EDEM3: variants seen among roughly 807,000 people sequenced by gnomAD.
The protein encoded by EDEM3 is ER degradation enhancing alpha-mannosidase like protein 3.
Under a neutral mutation model 110.2 loss-of-function variants are expected in EDEM3, and 60 were observed. The ratio of observed to expected loss-of-function variants is 0.54; its 90% CI spans 0.44 to 0.67. The LOEUF is 0.67. Among genes scored for constraint, EDEM3 ranks in the 30% least tolerant of loss-of-function variants. The probability of loss-of-function intolerance (pLI) is 0.00; values close to 1 mark genes in which losing one functional copy is unlikely to be tolerated. For synonymous variants in EDEM3, 352 were observed against 382.9 expected (o/e 0.92, Z 0.94); for missense variants, 996 against 1,121.0 (o/e 0.89, Z 1.59).
intron 3 of EDEM3, 92 bp from the exon 4 acceptor site, chr1:184,737,156 T>C (rs1651875057): frequency 1.8e-6 from 2 of 1,092,984 alleles, no homozygotes; most frequent in South Asian, 1.3e-5. Context: ...TATTGACTGG[T>C]AGTTTCTATA....
At chr1:184,705,219 T>C (rs1649852055) in intron 18 of EDEM3, among the ~76,000 whole-genome samples, 1 of 152,226 alleles carries the variant, frequency 6.6e-6, no homozygotes, top group Non-Finnish European at 1.5e-5. Flanking sequence ...ATACTTTACA[T>C]TTTCATTTTG....
At chr1:184,733,471 A>C (rs1651641551) in intron 5 of EDEM3, among the ~76,000 whole-genome samples, 1 of 152,218 alleles carries the variant, frequency 6.6e-6, no homozygotes, top group South Asian at 2.1e-4. Flanking sequence ...AATAACATTT[A>C]ATCAAAACTA....
At chr1:184,733,921 T>C (rs1168694527) in intron 5 of EDEM3, among the ~76,000 whole-genome samples, 2 of 152,226 alleles carry the variant, frequency 1.3e-5, no homozygotes, top group African/African-American at 2.4e-5. Context: ...GAAGAGGTGC[T>C]TGGCTATGGT....
chr1:184,721,407 T>C, intron 8 of EDEM3, 21 bp from the exon 9 acceptor site: 3 of 1,557,714 alleles, frequency 1.9e-6, no homozygotes, highest in South Asian at 2.4e-5. Context: ...ACAAATGTGA[T>C]TTTTCATTAA....
At chr1:184,705,218 A>G (rs1255659535) in intron 18 of EDEM3, among the ~76,000 whole-genome samples, 4 of 152,204 alleles carry the variant, frequency 2.6e-5, no homozygotes, top group African/African-American at 9.7e-5. Context: ...TATACTTTAC[A>G]TTTTCATTTT....
At position 184,754,812 on chromosome 1, in the gene EDEM3, C is replaced by T. The variant is rs571575771; in HGVS notation, c.-166G>A. ...GTTTCCCGAAGCCACCAAGCCGGTC[C>T]CCAGCGCCAGCGCTGCCACCGCCCT... On this transcript the variant is annotated 5_prime_UTR_variant, in exon 1 of 20. Coordinates refer to ENST00000318130, the MANE Select transcript of EDEM3 (RefSeq NM_025191.4). 4 of 1,181,076 alleles carry T rather than the reference C, an allele frequency of 3.4e-6. No homozygotes were observed. Among genetic ancestry groups the T allele is most frequent in the South Asian group, 3.5e-5 (2 of 57,238 alleles). The allele number at this position is 1,181,076 out of a possible 1,614,324, so 73.2% of individuals were successfully genotyped here. A position where few individuals can be genotyped will look rare whatever the true frequency, so the allele number is the denominator to read the frequency against.
Position 184,690,253 on chromosome 1 carries a change from G to C in EDEM3, c.*3810C>G, listed in dbSNP as rs150067700. 81 of 152,242 alleles carry C rather than the reference G, an allele frequency of 5.3e-4. No homozygotes were observed. The highest frequency in any genetic ancestry group is 1.7e-3 in the African/African-American group (69 of 41,522). 9.4% of individuals were successfully genotyped at this position (152,242 alleles called of 1,614,324 possible). A position where few individuals can be genotyped will look rare whatever the true frequency, so the allele number is the denominator to read the frequency against. On this transcript the variant is annotated 3_prime_UTR_variant, in exon 20 of 20. Coordinates refer to ENST00000318130, the MANE Select transcript of EDEM3 (RefSeq NM_025191.4). ...GGATCATAATTTATACACAATTCTA[G>C]AGTTTTATTCACTTAGCATTACCTT... is the stretch of plus-strand genomic sequence containing the variant.
At chr1:184,722,246 G>A (rs557817606) in intron 8 of EDEM3, among the ~76,000 whole-genome samples, 1 of 151,668 alleles carries the variant, frequency 6.6e-6, no homozygotes, top group Non-Finnish European at 1.5e-5. Flanking sequence ...TTTTTCTAGT[G>A]GTACATTTAA....
Position 184,749,496 on chromosome 1 carries a change from C to G in EDEM3, c.204+51G>C, listed in dbSNP as rs372693499. The G allele has an allele frequency of 3.7e-6, 5 of 1,335,988 alleles. No homozygotes were observed. The African/African-American group carries it at 7.5e-5, about 20-fold the overall frequency. The allele number at this position is 1,335,988 out of a possible 1,614,324, so 82.8% of individuals were successfully genotyped here. A position where few individuals can be genotyped will look rare whatever the true frequency, so the allele number is the denominator to read the frequency against. ...CAAAATTCCCAGTTGACTGTGCTCA[C>G]ATAATAATCAACTCACATAAATGGT... On this transcript the variant is annotated intron_variant, in intron 2 of 19. Transcript: ENST00000318130.
Position 184,734,624 on chromosome 1 carries a change from T to C in EDEM3, c.365A>G (p.Glu122Gly). 2.0e-6 allele frequency: 3 copies of C among 1,491,140 alleles called. No individual in the cohort carries two copies. Among genetic ancestry groups the C allele is most frequent in the Non-Finnish European group, 2.7e-6 (3 of 1,095,588 alleles). The allele number at this position is 1,491,140 out of a possible 1,614,324, so 92.4% of individuals were successfully genotyped here. The stretch of plus-strand genomic sequence containing the variant: ...AACTTTTCTCACTGCATCTTCAAAT[T>C]CTTTAGTTTTATTTAAAACCTGGGA... ...DTLVVLNKTK[E>G]FEDAVRKVLR... Residue 122 changes from glutamate (E) to glycine (G), a missense_variant, in exon 5 of 20, where the codon GAA (glutamate) becomes GGA (glycine). By Grantham distance (98) the Glu-to-Gly change is moderately conservative (BLOSUM62 -2). Coordinates refer to ENST00000318130, the MANE Select transcript of EDEM3 (RefSeq NM_025191.4).
intron 19 of EDEM3, among the ~76,000 whole-genome samples, chr1:184,697,763 ATGGAG>A (rs1298376866): frequency 1.3e-5 from 2 of 151,888 alleles, no homozygotes; most frequent in African/African-American, 2.4e-5. Context: ...TAAAAACAGG[ATGGAG>A]TGATCTTCTG....
At chr1:184,739,380 ATTATT>A (rs1383490128) in intron 2 of EDEM3, among the ~76,000 whole-genome samples, 2 of 150,050 alleles carry the variant, frequency 1.3e-5, no homozygotes, top group East Asian at 1.9e-4. Context: ...TTAAATTTTA[ATTATT>A]TTATCATTAA....
intron 19 of EDEM3, among the ~76,000 whole-genome samples, chr1:184,702,569 A>C (rs149941154): frequency 1.3e-5 from 2 of 152,290 alleles, no homozygotes; most frequent in Non-Finnish European, 1.5e-5. Context: ...CTCAGGGCAA[A>C]AATTACAAAT....
chr1:184,714,843 A>G (rs948581654), intron 13 of EDEM3, among the ~76,000 whole-genome samples: 1 of 152,206 alleles, frequency 6.6e-6, no homozygotes, highest in Non-Finnish European at 1.5e-5. Context: ...GGTGGAGAAC[A>G]CTCATTTGTC....
At chr1:184,705,575 A>AACAGG (rs1341773299) in intron 18 of EDEM3, among the ~76,000 whole-genome samples, 1 of 152,212 alleles carries the variant, frequency 6.6e-6, no homozygotes, top group Non-Finnish European at 1.5e-5. Context: ...TAAGTCATTA[A>AACAGG]ACAGGACTTC....
intron 3 of EDEM3, among the ~76,000 whole-genome samples, chr1:184,737,302 A>T (rs1169198731): frequency 6.6e-6 from 1 of 152,220 alleles, no homozygotes; most frequent in Non-Finnish European, 1.5e-5. Flanking sequence ...TCTGAAAACA[A>T]ATGAAAATAT....
intron 16 of EDEM3, among the ~76,000 whole-genome samples, chr1:184,709,329 G>C (rs1433812133): frequency 6.6e-6 from 1 of 152,116 alleles, no homozygotes; most frequent in African/African-American, 2.4e-5. Flanking sequence ...TAGCTAAGAA[G>C]TCATATGTAT....
intron 5 of EDEM3, among the ~76,000 whole-genome samples, chr1:184,733,662 TACTAAAA>T (rs1210221788): frequency 6.6e-6 from 1 of 152,086 alleles, no homozygotes; most frequent in Non-Finnish European, 1.5e-5. Flanking sequence ...ACCCTGTCTC[TACTAAAA>T]ATACAAAAAT....
At position 184,711,886 on chromosome 1, in the gene EDEM3, G is replaced by A; in HGVS notation, c.1537-9C>T. ...TCTGTATATTCCGAGGTCTACAAGA[G>A]AAAAACATTTTATGTAAACAGAAAT... is the stretch of plus-strand genomic sequence containing the variant. On this transcript the variant is annotated splice_polypyrimidine_tract_variant and intron_variant, in intron 14 of 19. Coordinates refer to ENST00000318130, the MANE Select transcript of EDEM3 (RefSeq NM_025191.4). 1 of 1,570,068 alleles carries A rather than the reference G, an allele frequency of 6.4e-7. No individual in the cohort carries two copies. The highest frequency in any genetic ancestry group is 2.0e-5 in the Admixed American group (1 of 49,398).
Sources: allele counts gnomAD v4.1 joint callset (sites outside exome capture counted in the v4.1 genomes callset), GRCh38; gene constraint gnomAD v4.1.1; transcripts MANE v1.5; gene names NCBI Gene and HGNC (gene_info 2026-07-23, HGNC 2026-07-21).